The following NANP variants were observed in gnomAD, a reference collection of about 807,000 sequenced individuals.
NANP encodes the protein N-acetylneuraminic acid phosphatase.
NANP carries 15 observed loss-of-function variants against 16.9 expected under a neutral mutation model. The observed-to-expected ratio is 0.89, with a 90% CI of 0.59 to 1.37. NANP has a LOEUF of 1.37. NANP is among the 40% of genes most tolerant of loss of function. The probability of loss-of-function intolerance (pLI) is 0.00; values close to 1 mark genes in which losing one functional copy is unlikely to be tolerated. For synonymous variants in NANP, 135 were observed against 112.6 expected (o/e 1.20, Z -1.26); for missense variants, 290 against 303.5 (o/e 0.96, Z 0.33).
At chr20:25,618,197 CG>C (rs2122205799) in intron 1 of NANP, among the ~76,000 whole-genome samples, 1 of 77,218 alleles carries the variant, frequency 1.3e-5, no homozygotes, top group African/African-American at 5.6e-5. Flanking sequence ...AATCATGGGC[CG>C]GGGGTGGGGG....
At chr20:25,622,000 T>C (rs375863064) in intron 1 of NANP, among the ~76,000 whole-genome samples, 3 of 152,360 alleles carry the variant, frequency 2.0e-5, no homozygotes, top group African/African-American at 7.2e-5. Flanking sequence ...GCTTGTTCCC[T>C]CCCAAGAAGC....
intron 1 of NANP, 41 bp from the exon 2 acceptor site, chr20:25,616,622 T>TACTAAAGACATGCAATG: frequency 6.9e-7 from 1 of 1,458,262 alleles, no homozygotes; most frequent in Non-Finnish European, 9.2e-7. Context: ...ATTGCATGTC[T>TACTAAAGACATGCAATG]TTAGTAGTCA....
intron 1 of NANP, among the ~76,000 whole-genome samples, chr20:25,617,848 T>C (rs1287577803): frequency 6.6e-6 from 1 of 152,212 alleles, no homozygotes; most frequent in Non-Finnish European, 1.5e-5. Flanking sequence ...AAATACTCCC[T>C]CTTCCTGCGT....
chr20:25,623,762 C>A, intron 1 of NANP, 97 bp downstream of exon 1: 2 of 1,208,256 alleles, frequency 1.7e-6, no homozygotes, highest in Non-Finnish European at 1.2e-6. Flanking sequence ...CGGCCCGCGG[C>A]GCCGGGGTGG....
At chr20:25,617,368 C>T (rs540460348) in intron 1 of NANP, among the ~76,000 whole-genome samples, 8 of 152,238 alleles carry the variant, frequency 5.3e-5, no homozygotes, top group African/African-American at 1.9e-4. Context: ...CCCACCACGA[C>T]GCCTGGTTAA....
rs1378153999 is a variant in NANP, at chr20:25,623,945, C to G, written c.4G>C (p.Gly2Arg). Residue 2 changes from glycine to arginine, a missense_variant, in exon 1 of 2, where the codon GGG becomes CGG. By Grantham distance (125) the Gly-to-Arg change is moderately radical (BLOSUM62 -2). Transcript: ENST00000304788. ...AAAACCGCCCGCACGCGGCTCAGCC[C>G]CATAGCGCCGGCCGCTGGCGCGAAC... M[G>R]LSRVRAVFFD... 18 of 1,612,720 alleles carry G rather than the reference C, an allele frequency of 1.1e-5. No individual in the cohort carries two copies. In the East Asian group the frequency reaches 2.7e-4, roughly 24 times the overall value.
intron 1 of NANP, among the ~76,000 whole-genome samples, chr20:25,622,669 G>C (rs989461076): frequency 1.3e-5 from 2 of 152,260 alleles, no homozygotes; most frequent in African/African-American, 4.8e-5. Context: ...AGTTAAAAGT[G>C]TGGAATGCCT....
intron 1 of NANP, among the ~76,000 whole-genome samples, chr20:25,621,721 A>C (rs548745173): frequency 1.0e-3 from 152 of 152,256 alleles, no homozygotes; most frequent in Admixed American, 6.9e-3. Context: ...CACCCGGCTA[A>C]TTTTTGTATT....
chr20:25,621,019 G>T (rs2065362651), intron 1 of NANP, among the ~76,000 whole-genome samples: 1 of 152,150 alleles, frequency 6.6e-6, no homozygotes, highest in Non-Finnish European at 1.5e-5. Flanking sequence ...CTCATCTTCA[G>T]CCTCTTGAAC....
Position 25,615,620 on chromosome 20 carries a change from T to A in NANP, c.*305A>T, listed in dbSNP as rs1764670935. The A allele has an allele frequency of 4.2e-6, 1 of 240,314 alleles. No individual in the cohort carries two copies. The highest frequency in any genetic ancestry group is 5.2e-5 in the Admixed American group (1 of 19,346). 14.9% of individuals were successfully genotyped at this position (240,314 alleles called of 1,614,324 possible). ...ATTATGCAGCCAAGATACTAAAAGA[T>A]TAATAACATAATTTTAAAAAGCTCC... On this transcript the variant is annotated 3_prime_UTR_variant, in exon 2 of 2. Coordinates refer to ENST00000304788, the MANE Select transcript of NANP (RefSeq NM_152667.3).
rs891255310 is a variant in NANP, at chr20:25,619,831, C to T, written c.91-3250G>A. Among the ~76,000 whole-genome samples the T allele has an allele frequency of 1.3e-4, 20 of 152,306 alleles. No individual in the cohort carries two copies. The East Asian group carries it at 3.9e-3, about 29-fold the overall frequency. ...ATCAGCTCCTATACAGACCCAATTT[C>T]CTACTGGCTCCCAGTACAGACCCAA... On this transcript the variant is annotated intron_variant, in intron 1 of 1. Transcript: ENST00000304788.
intron 1 of NANP, among the ~76,000 whole-genome samples, chr20:25,619,121 CTTTT>C (rs34028977): frequency 7.5e-6 from 1 of 133,078 alleles, no homozygotes; most frequent in African/African-American, 2.8e-5. Context: ...GGAAAAGGGT[CTTTT>C]TTTTTTTTTT....
Position 25,615,741 on chromosome 20 carries a change from C to G in NANP, c.*184G>C. On this transcript the variant is annotated 3_prime_UTR_variant, in exon 2 of 2. Coordinates refer to ENST00000304788, the MANE Select transcript of NANP (RefSeq NM_152667.3). ...TCTGAATTTTCAGATATAAGTACCACTCAATGGTTGGTTGTTACAACTTAG... is the reference window on the plus strand; with the variant it reads ...TCTGAATTTTCAGATATAAGTACCAGTCAATGGTTGGTTGTTACAACTTAG... The G allele has an allele frequency of 1.7e-6, 1 of 601,454 alleles. No homozygotes were observed. Among genetic ancestry groups the G allele is most frequent in the Non-Finnish European group, 2.8e-6 (1 of 353,090 alleles). 37.3% of individuals were successfully genotyped at this position (601,454 alleles called of 1,614,324 possible).
Position 25,616,200 on chromosome 20 carries a change from C to T in NANP, c.472G>A (p.Gly158Arg), listed in dbSNP as rs1347290882. 3 of 1,614,016 alleles carry T rather than the reference C, an allele frequency of 1.9e-6. No homozygotes were observed. The highest frequency in any genetic ancestry group is 1.3e-5 in the African/African-American group (1 of 74,904). The part of the protein sequence containing the change: ...QSYFDAVVVG[G>R]EQREEKPAPS... Reference sequence around the variant, plus strand: ...GCTGGTTTCTCCTCTCTCTGCTCTCCACCTACAACAACAGCGTCAAAATAG... The same window carrying T: ...GCTGGTTTCTCCTCTCTCTGCTCTCTACCTACAACAACAGCGTCAAAATAG... The change falls in exon 2 of 2, where the codon GGA becomes AGA. Residue 158 changes from glycine (G) to arginine (R), a missense_variant. Coordinates refer to ENST00000304788, the MANE Select transcript of NANP (RefSeq NM_152667.3).
At chr20:25,620,049 T>C (rs557209695) in intron 1 of NANP, among the ~76,000 whole-genome samples, 87 of 152,372 alleles carry the variant, frequency 5.7e-4, no homozygotes, top group African/African-American at 1.9e-3. Context: ...CAGGTTGGTA[T>C]GCGACAATAA....
chr20:25,623,364 AAGT>A (rs2065374753), intron 1 of NANP, among the ~76,000 whole-genome samples: 1 of 152,236 alleles, frequency 6.6e-6, no homozygotes, highest in Admixed American at 6.5e-5. Flanking sequence ...AGCAGGGCTT[AAGT>A]CCAGGCTCGG....
At chr20:25,622,498 A>G (rs953209006) in intron 1 of NANP, among the ~76,000 whole-genome samples, 5 of 152,252 alleles carry the variant, frequency 3.3e-5, no homozygotes, top group African/African-American at 1.2e-4. Context: ...TTTAAAGCCC[A>G]AACTCTGGGC....
Position 25,613,467 on chromosome 20 carries a change from G to A in NANP, c.*2458C>T, listed in dbSNP as rs931798438. 5 of 172,634 alleles carry A rather than the reference G, an allele frequency of 2.9e-5. No individual in the cohort carries two copies. Among genetic ancestry groups the A allele is most frequent in the Non-Finnish European group, 6.1e-5 (5 of 82,034 alleles). The allele number at this position is 172,634 out of a possible 1,614,324, so 10.7% of individuals were successfully genotyped here. ...ACCTCTGTAAGCAGTGTTAGGGAGG[G>A]CCTCTGGCTTTGTGTGAGAAGGCCA... On this transcript the variant is annotated 3_prime_UTR_variant, in exon 2 of 2. Coordinates refer to ENST00000304788, the MANE Select transcript of NANP (RefSeq NM_152667.3).
intron 1 of NANP, among the ~76,000 whole-genome samples, chr20:25,618,847 C>T (rs2065353779): frequency 6.6e-6 from 1 of 152,160 alleles, no homozygotes; most frequent in Non-Finnish European, 1.5e-5. Context: ...CCCTTCTTGT[C>T]TCCCCGACCC....
Sources: gnomAD v4.1 joint callset for allele counts (sites outside exome capture counted in the v4.1 genomes callset) on GRCh38, gnomAD v4.1.1 for gene constraint, MANE v1.5 for transcripts, NCBI Gene and HGNC (gene_info 2026-07-23, HGNC 2026-07-21) for gene names.